Variants in ASB15 observed in about 807,000 individuals in gnomAD.
The protein encoded by ASB15 is ankyrin repeat and SOCS box protein 15.
ASB15 carries 54 observed loss-of-function variants against 58.0 expected under a neutral mutation model. That is an observed-to-expected ratio of 0.93 (90% CI 0.75 to 1.17). ASB15 has a LOEUF of 1.17. ASB15 is among the 50% of genes most tolerant of loss of function. The probability of loss-of-function intolerance (pLI) is 0.00; values close to 1 mark genes in which losing one functional copy is unlikely to be tolerated. For missense variants in ASB15, 680 were observed against 707.4 expected (o/e 0.96, Z 0.44); for synonymous variants, 249 against 262.4 (o/e 0.95, Z 0.50).
intron 7 of ASB15, among the ~76,000 whole-genome samples, chr7:123,623,897 AG>A (rs1354874964): frequency 0.067 from 7,336 of 108,860 alleles, 685 homozygotes; most frequent in Non-Finnish European, 0.086. Context: ...GAAGAAAGAA[AG>A]AATGGAAGGA....
Position 123,630,313 on chromosome 7 carries a change from G to A in ASB15, c.1594+194G>A, listed in dbSNP as rs1166777722. Among the ~76,000 whole-genome samples, 10 of 152,048 alleles carry A rather than the reference G, an allele frequency of 6.6e-5. 2 individuals carry two copies. Among genetic ancestry groups the A allele is most frequent in the Admixed American group, 5.2e-4 (8 of 15,266 alleles). ...ATTTTTCTTTATATTTTCCAGCTTTGTAATTGTATAATGAGTAATACTACA... is the reference window on the plus strand; with the variant it reads ...ATTTTTCTTTATATTTTCCAGCTTTATAATTGTATAATGAGTAATACTACA... On this transcript the variant is annotated intron_variant, in intron 11 of 11. Coordinates refer to ENST00000451215, the MANE Select transcript of ASB15 (RefSeq NM_001290258.2).
chr7:123,573,660 T>C (rs1217158925), intron 1 of ASB15, among the ~76,000 whole-genome samples: 1 of 152,138 alleles, frequency 6.6e-6, no homozygotes, highest in Admixed American at 6.5e-5. Flanking sequence ...GGGAGTCTGA[T>C]TCCAGTCTTA....
chr7:123,579,447 C>A (rs547023024), intron 1 of ASB15, among the ~76,000 whole-genome samples: 5 of 152,012 alleles, frequency 3.3e-5, no homozygotes, highest in African/African-American at 4.8e-5. Context: ...TCTATGAATT[C>A]TTTTGTATTA....
At position 123,623,945 on chromosome 7, in the gene ASB15, AAG is replaced by A. The variant is rs1491110451; in HGVS notation, c.452-622_452-621del. 1.7e-4 allele frequency among the ~76,000 whole-genome samples: 14 copies of A among 84,554 alleles called. 1 individual carries two copies. Among genetic ancestry groups the A allele is most frequent in the Non-Finnish European group, 2.7e-4 (10 of 36,414 alleles). 55.5% of individuals were successfully genotyped at this position (84,554 alleles called of 152,430 possible). A position where few individuals can be genotyped will look rare whatever the true frequency, so the allele number is the denominator to read the frequency against. ...AAGAAAGAAAGAAAAGAAAGAAAGA[AAG>A]AAAGAAAGAAAGAAAGAAAGAAAGA... is the stretch of plus-strand genomic sequence containing the variant. On this transcript the variant is annotated intron_variant, in intron 7 of 11. Transcript: ENST00000451215.
chr7:123,627,916 G>A (rs148652784), intron 9 of ASB15, among the ~76,000 whole-genome samples: 4 of 152,108 alleles, frequency 2.6e-5, no homozygotes, highest in South Asian at 4.1e-4. Context: ...TGAAGTAATC[G>A]GGCTTTATAG....
At chr7:123,577,498 TA>T (rs1347278907) in intron 1 of ASB15, among the ~76,000 whole-genome samples, 3 of 152,330 alleles carry the variant, frequency 2.0e-5, no homozygotes, top group African/African-American at 7.2e-5. Flanking sequence ...CTTCAGTTTT[TA>T]TTCAGATCGA....
chr7:123,601,018 G>C (rs778118858), upstream of ASB15, among the ~76,000 whole-genome samples: 39 of 152,286 alleles, frequency 2.6e-4, no homozygotes, highest in East Asian at 1.9e-3. Context: ...ATGTAAGTCA[G>C]AAAGAGGTCA....
chr7:123,584,492 T>C (rs1284622746), intron 1 of ASB15, among the ~76,000 whole-genome samples: 3 of 151,964 alleles, frequency 2.0e-5, no homozygotes, highest in African/African-American at 4.8e-5. Context: ...AGAGTTTACA[T>C]ACTAACATCT....
intron 1 of ASB15, among the ~76,000 whole-genome samples, chr7:123,590,752 T>C (rs1179709615): frequency 6.6e-5 from 10 of 152,332 alleles, no homozygotes; most frequent in East Asian, 1.9e-4. Flanking sequence ...AACTTTGTTC[T>C]ATTTGCTTAG....
At chr7:123,592,083 C>A (rs1331771727) in intron 1 of ASB15, among the ~76,000 whole-genome samples, 2 of 152,008 alleles carry the variant, frequency 1.3e-5, no homozygotes, top group Non-Finnish European at 2.9e-5. Flanking sequence ...TAGTTTATTT[C>A]TGTAGAGGTG....
At chr7:123,607,135 C>A (rs1003778709) in intron 2 of ASB15, among the ~76,000 whole-genome samples, 1 of 152,018 alleles carries the variant, frequency 6.6e-6, no homozygotes, top group African/African-American at 2.4e-5. Context: ...ATACATATGT[C>A]GAATTATCAA....
At chr7:123,588,294 G>C (rs900927864) in intron 1 of ASB15, among the ~76,000 whole-genome samples, 1 of 151,502 alleles carries the variant, frequency 6.6e-6, no homozygotes, top group Non-Finnish European at 1.5e-5. Context: ...TATTCTTCTA[G>C]GTTATACAGT....
intron 8 of ASB15, among the ~76,000 whole-genome samples, chr7:123,625,758 C>G (rs1024835867): frequency 1.3e-5 from 2 of 152,180 alleles, no homozygotes; most frequent in Non-Finnish European, 2.9e-5. Flanking sequence ...CTGTGAGACC[C>G]TAGCCTTATT....
At chr7:123,635,931 T>C (rs1477310506) in intron 11 of ASB15, among the ~76,000 whole-genome samples, 1 of 152,196 alleles carries the variant, frequency 6.6e-6, no homozygotes, top group African/African-American at 2.4e-5. Flanking sequence ...AGAGATGTGA[T>C]CATGTTTATT....
At chr7:123,611,082 CAAAAAAAAAAAAAAAA>C (rs34527165) in intron 3 of ASB15, among the ~76,000 whole-genome samples, 1 of 81,856 alleles carries the variant, frequency 1.2e-5, no homozygotes, top group Non-Finnish European at 2.3e-5. Context: ...AACTCCATCT[CAAAAAAAAAAAAAAAA>C]AAAAAAGAAA....
chr7:123,607,045 G>A (rs1054478114), intron 2 of ASB15, among the ~76,000 whole-genome samples: 15 of 152,042 alleles, frequency 9.9e-5, no homozygotes, highest in African/African-American at 3.6e-4. Flanking sequence ...TTTTAAAATA[G>A]CTATACCCCC....
chr7:123,579,140 A>G (rs1799154296), intron 1 of ASB15, among the ~76,000 whole-genome samples: 2 of 151,992 alleles, frequency 1.3e-5, no homozygotes, highest in South Asian at 4.1e-4. Context: ...TAACTCCTAC[A>G]AATATGCAGT....
At position 123,590,135 on chromosome 7, in the gene ASB15, T is replaced by A. The variant is rs182842280; in HGVS notation, c.-442-13897T>A. On this transcript the variant is annotated intron_variant, in intron 1 of 13. Transcript: ENST00000451558. The stretch of plus-strand genomic sequence containing the variant: ...AATGTCTTCTTTTGAGAAGTGTCTG[T>A]TCATGTCCTTTGCCCACTTGTTGAT... Among the ~76,000 whole-genome samples, 938 of 152,318 alleles carry A rather than the reference T, an allele frequency of 6.2e-3. 8 individuals are homozygous for A. The highest frequency in any genetic ancestry group is 0.022 in the African/African-American group (898 of 41,572).
chr7:123,623,824 A>G (rs1801497448), intron 7 of ASB15, among the ~76,000 whole-genome samples: 2 of 150,558 alleles, frequency 1.3e-5, no homozygotes, highest in East Asian at 1.9e-4. Context: ...AGATTGTGCC[A>G]TCGCACTCCA....
Sources: gnomAD v4.1 joint callset for allele counts (sites outside exome capture counted in the v4.1 genomes callset) on GRCh38, gnomAD v4.1.1 for gene constraint, MANE v1.5 for transcripts, NCBI Gene and HGNC (gene_info 2026-07-23, HGNC 2026-07-21) for gene names.